PLXNA4: variants seen among roughly 807,000 people sequenced by gnomAD.
The protein encoded by PLXNA4 is plexin A4, also known as plexin-A4.
PLXNA4 carries 44 observed loss-of-function variants against 191.8 expected under a neutral mutation model. That is an observed-to-expected ratio of 0.23 (90% CI 0.18 to 0.29). PLXNA4 has a LOEUF of 0.29. PLXNA4 is among the 10% of genes least tolerant of loss of function. The pLI is 1.00. For synonymous variants in PLXNA4, 1,082 were observed against 1,009.5 expected (o/e 1.07, Z -1.36); for missense variants, 1,800 against 2,488.8 (o/e 0.72, Z 5.89).
At position 132,385,345 on chromosome 7, in the gene PLXNA4, G is replaced by A. The variant is rs771460954; in HGVS notation, c.1372-87123C>T. The A allele has an allele frequency of 9.7e-6, 15 of 1,545,816 alleles. 1 individual carries two copies. In the South Asian group the frequency reaches 1.9e-4, roughly 20 times the overall value. ...ACTTAGACCATGGTGCACAAGATAT[G>A]CCCATAAGCCTCCTTATTCCCCTCC... On this transcript the variant is annotated intron_variant, in intron 3 of 31. Transcript: ENST00000321063.
chr7:132,623,359 A>G (rs1318760705), intron 2 of PLXNA4, among the ~76,000 whole-genome samples: 1 of 151,816 alleles, frequency 6.6e-6, no homozygotes, highest in Non-Finnish European at 1.5e-5. Flanking sequence ...AAAATAAAAT[A>G]AAATAAAGAA....
chr7:132,523,124 G>C (rs1409496377), intron 1 of PLXNA4, among the ~76,000 whole-genome samples: 1 of 152,010 alleles, frequency 6.6e-6, no homozygotes, highest in Non-Finnish European at 1.5e-5. Flanking sequence ...ACATTCTGGG[G>C]GTGCAGCAAT....
intron 4 of PLXNA4, among the ~76,000 whole-genome samples, chr7:132,291,643 T>C (rs890426780): frequency 1.3e-5 from 2 of 152,170 alleles, no homozygotes; most frequent in Admixed American, 1.3e-4. Context: ...CACACTCCAT[T>C]CTCTACCTCC....
chr7:132,311,380 A>C (rs1801736228), intron 3 of PLXNA4, among the ~76,000 whole-genome samples: 1 of 152,058 alleles, frequency 6.6e-6, no homozygotes, highest in Non-Finnish European at 1.5e-5. Context: ...ATGCATTGCT[A>C]CATGGGGTCA....
At chr7:132,527,670 C>T (rs759040721) in intron 1 of PLXNA4, among the ~76,000 whole-genome samples, 17 of 152,020 alleles carry the variant, frequency 1.1e-4, no homozygotes, top group South Asian at 2.1e-4. Context: ...GATGAGGCAA[C>T]GGACCAATAA....
chr7:132,200,415 G>A (rs1036953268), intron 12 of PLXNA4, among the ~76,000 whole-genome samples: 9 of 152,172 alleles, frequency 5.9e-5, no homozygotes, highest in Non-Finnish European at 1.0e-4. Flanking sequence ...TGGGGTCAGG[G>A]GCAGTGAGGA....
chr7:132,281,626 C>T (rs564425264), intron 4 of PLXNA4, among the ~76,000 whole-genome samples: 9 of 152,118 alleles, frequency 5.9e-5, no homozygotes, highest in Non-Finnish European at 1.2e-4. Flanking sequence ...TCTCCTCATG[C>T]CATAAATCCT....
rs190017225 is a variant in PLXNA4 at position 132,280,016 on chromosome 7, C to A, written c.1503+18075G>T. On this transcript the variant is annotated intron_variant, in intron 4 of 31. Transcript: ENST00000321063. ...ACATACATGCCCATATATAGTTTCA[C>A]AAATAGTAGTTATCCTTACTATGTT... Among the ~76,000 whole-genome samples, 4 of 152,336 alleles carry A rather than the reference C, an allele frequency of 2.6e-5. No individual in the cohort carries two copies. In the East Asian group the frequency reaches 7.7e-4, roughly 29 times the overall value.
chr7:132,520,447 GC>G (rs1799130562), intron 1 of PLXNA4, among the ~76,000 whole-genome samples: 1 of 152,192 alleles, frequency 6.6e-6, no homozygotes, highest in Non-Finnish European at 1.5e-5. Flanking sequence ...CCAGCAGGAG[GC>G]CTCCAAGCAT....
intron 25 of PLXNA4, among the ~76,000 whole-genome samples, chr7:132,153,567 G>A (rs1386680996): frequency 6.6e-6 from 1 of 152,114 alleles, no homozygotes; most frequent in African/African-American, 2.4e-5. Context: ...GAGAGGTAGG[G>A]GGACCCTGGC....
chr7:132,423,958 G>A (rs1263775895), intron 3 of PLXNA4, among the ~76,000 whole-genome samples: 1 of 152,162 alleles, frequency 6.6e-6, no homozygotes, highest in Non-Finnish European at 1.5e-5. Context: ...AGGCGGGGCT[G>A]CATGGAGGTC....
rs1798410604 is a variant in PLXNA4, at chr7:132,228,480, C to T, written c.1605-11G>A. 3.7e-6 allele frequency: 6 copies of T among 1,613,906 alleles called. No homozygotes were observed. The highest frequency in any genetic ancestry group is 5.1e-6 in the Non-Finnish European group (6 of 1,179,938). On this transcript the variant is annotated splice_polypyrimidine_tract_variant and intron_variant, in intron 5 of 31. Transcript: ENST00000321063. Reference sequence around the variant, plus strand: ...TCCTTCCGGGTGCAACTGGGAAGGACATACCCTCGAGTTACTCAGGAGATG... The same window carrying T: ...TCCTTCCGGGTGCAACTGGGAAGGATATACCCTCGAGTTACTCAGGAGATG...
chr7:132,208,787 T>C (rs896187620), intron 10 of PLXNA4, among the ~76,000 whole-genome samples: 5 of 152,100 alleles, frequency 3.3e-5, no homozygotes, highest in Non-Finnish European at 7.4e-5. Context: ...CCTTTTCCCA[T>C]GGGTGCCGAC....
chr7:132,148,174 T>C (rs1442530560), intron 26 of PLXNA4, among the ~76,000 whole-genome samples, 175 bp from the exon 27 acceptor site: 1 of 152,178 alleles, frequency 6.6e-6, no homozygotes, highest in African/African-American at 2.4e-5. Context: ...ATCTGGATAC[T>C]GACAAGTATT....
intron 3 of PLXNA4, among the ~76,000 whole-genome samples, chr7:132,314,543 G>A (rs968414353): frequency 1.3e-5 from 2 of 152,200 alleles, no homozygotes; most frequent in Admixed American, 6.5e-5. Flanking sequence ...GGGAGGCCAC[G>A]GGAAGTAGGG....
intron 3 of PLXNA4, among the ~76,000 whole-genome samples, chr7:132,369,850 C>A (rs1025731426): frequency 1.3e-5 from 2 of 151,752 alleles, no homozygotes; most frequent in Admixed American, 6.6e-5. Context: ...GGGCGGATCA[C>A]AAGGTCAGGA....
Position 132,364,409 on chromosome 7 carries a change from C to T in PLXNA4, c.1372-66187G>A, listed in dbSNP as rs560185189. On this transcript the variant is annotated intron_variant, in intron 3 of 31. Coordinates refer to ENST00000321063, the MANE Select transcript of PLXNA4 (RefSeq NM_020911.2). Reference sequence around the variant, plus strand: ...GCCTGCCAGAGCACAAAGCTTTAGACTCCTTGTCCTCTCTGCACTGGGGCA... The same window carrying T: ...GCCTGCCAGAGCACAAAGCTTTAGATTCCTTGTCCTCTCTGCACTGGGGCA... 2.0e-4 allele frequency among the ~76,000 whole-genome samples: 31 copies of T among 152,362 alleles called. No individual in the cohort carries two copies. The South Asian group carries it at 5.8e-3, about 28-fold the overall frequency.
chr7:132,489,343 G>A lies in PLXNA4; in HGVS notation c.1320C>T (p.Tyr440=), dbSNP rs573198719. 1.2e-4 allele frequency: 187 copies of A among 1,601,952 alleles called. 1 individual carries two copies. The South Asian group carries it at 1.9e-3, about 17-fold the overall frequency. Residue 440 remains tyrosine (Y), a synonymous_variant, in exon 3 of 32, where the codon TAC becomes TAT. Transcript: ENST00000321063. ...CCACAAAGGCCAGAGAGTGGTTCTT[G>A]TAGACATATGCGATGACAGACGTCA... ...DRMTSVIAYV[Y]KNHSLAFVGT...
chr7:132,200,724 C>T (rs1797405679), intron 12 of PLXNA4, among the ~76,000 whole-genome samples: 3 of 152,308 alleles, frequency 2.0e-5, no homozygotes, highest in South Asian at 4.1e-4. Context: ...TTTCACACAT[C>T]CCTGGTGCAC....
Sources: gnomAD v4.1 joint callset for allele counts (sites outside exome capture counted in the v4.1 genomes callset) on GRCh38, gnomAD v4.1.1 for gene constraint, MANE v1.5 for transcripts, NCBI Gene and HGNC (gene_info 2026-07-23, HGNC 2026-07-21) for gene names.